CAAP1: variants seen among roughly 807,000 people sequenced by gnomAD.
CAAP1 encodes the protein conserved anti-apoptotic protein.
CAAP1 carries 20 observed loss-of-function variants against 34.0 expected under a neutral mutation model. The ratio of observed to expected loss-of-function variants is 0.59; its 90% CI spans 0.41 to 0.86. CAAP1 has a LOEUF of 0.86. Among genes scored for constraint, CAAP1 ranks in the 40% least tolerant of loss-of-function variants. CAAP1 has a pLI of 0.00. For synonymous variants in CAAP1, 213 were observed against 166.7 expected, an observed-to-expected ratio of 1.28 and a Z score of -2.14; for missense variants, 538 against 450.5, an observed-to-expected ratio of 1.19 and a Z score of -1.76.
chr9:26,851,783 G>A (rs1324256547), intron 5 of CAAP1, among the ~76,000 whole-genome samples: 1 of 152,178 alleles, frequency 6.6e-6, no homozygotes, highest in East Asian at 1.9e-4. Flanking sequence ...AAGCATCGGA[G>A]TTTGGAAGCA....
At chr9:26,875,092 T>G (rs561914329) in intron 4 of CAAP1, among the ~76,000 whole-genome samples, 2 of 152,300 alleles carry the variant, frequency 1.3e-5, no homozygotes, top group South Asian at 4.1e-4. Flanking sequence ...CTTAGACAAT[T>G]TTACTGATGT....
In CAAP1 at chr9:26,842,568, T is replaced by C; in HGVS notation, c.819A>G (p.Glu273=). The C allele has an allele frequency of 6.2e-7, 1 of 1,614,216 alleles. No individual in the cohort carries two copies. Residue 273 remains glutamate (E), a synonymous_variant, in exon 6 of 6, where the codon GAA becomes GAG. Transcript: ENST00000333916. ...DSDIEGPCNE[E]AAAPEAPENT... is the part of the protein sequence containing the mutation. Reference sequence around the variant, plus strand: ...TTTCTGGTGCCTCGGGAGCAGCTGCTTCTTCGTTGCATGGGCCTTCTATGT... The same window carrying C: ...TTTCTGGTGCCTCGGGAGCAGCTGCCTCTTCGTTGCATGGGCCTTCTATGT...
At chr9:26,858,483 T>C (rs750809943) in intron 5 of CAAP1, among the ~76,000 whole-genome samples, 1 of 152,192 alleles carries the variant, frequency 6.6e-6, no homozygotes, top group Non-Finnish European at 1.5e-5. Flanking sequence ...TTTAATCATT[T>C]AGTAGATATT....
intron 2 of CAAP1, among the ~76,000 whole-genome samples, chr9:26,887,012 G>A (rs1382029894): frequency 6.6e-6 from 1 of 152,066 alleles, no homozygotes; most frequent in East Asian, 1.9e-4. Flanking sequence ...TCAGGAGTTC[G>A]AGACCAGCCT....
intron 5 of CAAP1, among the ~76,000 whole-genome samples, chr9:26,850,465 A>C (rs1822720769): frequency 6.6e-6 from 1 of 152,222 alleles, no homozygotes. Flanking sequence ...TGATAGGGAA[A>C]ACCCCATAAT....
intron 4 of CAAP1, among the ~76,000 whole-genome samples, chr9:26,870,129 C>T (rs1217164461): frequency 6.6e-6 from 1 of 150,810 alleles, no homozygotes; most frequent in Non-Finnish European, 1.5e-5. Flanking sequence ...ACAGGGAAAC[C>T]GTTGCCAAGC....
At chr9:26,856,458 T>G (rs1351101860) in intron 5 of CAAP1, among the ~76,000 whole-genome samples, 1 of 152,214 alleles carries the variant, frequency 6.6e-6, no homozygotes, top group African/African-American at 2.4e-5. Flanking sequence ...TTAAACAATT[T>G]AGGAAAACAG....
intron 5 of CAAP1, among the ~76,000 whole-genome samples, chr9:26,860,752 C>T (rs1372405834): frequency 6.6e-6 from 1 of 152,108 alleles, no homozygotes; most frequent in African/African-American, 2.4e-5. Context: ...GATCGCGCCA[C>T]TGCACTCCAG....
At chr9:26,868,926 G>A (rs557731388) in intron 4 of CAAP1, among the ~76,000 whole-genome samples, 24 of 152,240 alleles carry the variant, frequency 1.6e-4, no homozygotes, top group African/African-American at 3.6e-4. Flanking sequence ...CGGAACATCC[G>A]GGAAAATCTG....
chr9:26,886,338 G>C, intron 2 of CAAP1, 150 bp from the exon 3 acceptor site: 3 of 403,860 alleles, frequency 7.4e-6, no homozygotes, highest in Non-Finnish European at 4.5e-6. Flanking sequence ...CTTTTCCTGG[G>C]ATGAAATCTG....
chr9:26,848,613 C>G (rs1029103076), intron 5 of CAAP1, among the ~76,000 whole-genome samples: 1 of 152,172 alleles, frequency 6.6e-6, no homozygotes, highest in East Asian at 1.9e-4. Context: ...CAAGTGTTTA[C>G]TTTTATCTAA....
At chr9:26,850,439 G>A (rs1372059411) in intron 5 of CAAP1, among the ~76,000 whole-genome samples, 1 of 152,180 alleles carries the variant, frequency 6.6e-6, no homozygotes, top group African/African-American at 2.4e-5. Flanking sequence ...TACCTCTTCT[G>A]TTTGAGGATC....
chr9:26,884,965 C>A (rs1340177188), intron 3 of CAAP1, 80 bp from the exon 4 acceptor site: 15 of 1,050,712 alleles, frequency 1.4e-5, no homozygotes, highest in South Asian at 8.3e-5. Flanking sequence ...AAAGTATAAT[C>A]TTTAAAAGTG....
At chr9:26,865,232 A>T (rs1164876079) in intron 4 of CAAP1, among the ~76,000 whole-genome samples, 2 of 152,232 alleles carry the variant, frequency 1.3e-5, no homozygotes, top group East Asian at 3.8e-4. Context: ...ATTAAAAATC[A>T]CAAGAAATTT....
At position 26,884,866 on chromosome 9, in the gene CAAP1, A is replaced by T; in HGVS notation, c.609T>A (p.Ser203=). 6.2e-7 allele frequency: 1 copy of T among 1,608,604 alleles called. No individual in the cohort carries two copies. The highest frequency in any genetic ancestry group is 1.3e-5 in the African/African-American group (1 of 74,988). Residue 203 remains serine (S), a synonymous_variant, in exon 4 of 6, where the codon TCT becomes TCA. Coordinates refer to ENST00000333916, the MANE Select transcript of CAAP1 (RefSeq NM_024828.4). ...CATCATCTGCTTCCTCTTCCATATC[A>T]GAGTCCATTCCATTGTCACCTTATA... is the stretch of plus-strand genomic sequence containing the variant. ...KILEGDNGMD[S]DMEEEADDGS...
rs547506337 is a variant in CAAP1, at chr9:26,844,420, C to T, written c.740-1773G>A. On this transcript the variant is annotated intron_variant, in intron 5 of 5. Transcript: ENST00000333916. ...CTCAAAAAATTAACTTTAGTGTCTC[C>T]GAGGCTTTACCTAAAATTTAAAGTG... 3.9e-5 allele frequency among the ~76,000 whole-genome samples: 6 copies of T among 152,202 alleles called. No homozygotes were observed. In the South Asian group the frequency reaches 8.3e-4, roughly 21 times the overall value.
chr9:26,845,567 G>A (rs1161870006), intron 5 of CAAP1, among the ~76,000 whole-genome samples: 1 of 152,070 alleles, frequency 6.6e-6, no homozygotes, highest in East Asian at 1.9e-4. Flanking sequence ...ATGGAGACGG[G>A]GTTTCACCAT....
rs572022219 is a variant in CAAP1 at position 26,848,170 on chromosome 9, TA to T, written c.740-5524del. 5.4e-3 allele frequency among the ~76,000 whole-genome samples: 819 copies of T among 152,362 alleles called. 7 individuals are homozygous for T. The highest frequency in any genetic ancestry group is 0.01 in the Middle Eastern group (3 of 294). On this transcript the variant is annotated intron_variant, in intron 5 of 5. Coordinates refer to ENST00000333916, the MANE Select transcript of CAAP1 (RefSeq NM_024828.4). ...AAGGTTTAAATACTTTAGCATAACT[TA>T]AAAGTTCCTTTTATTTTTATAACTC...
At chr9:26,887,071 G>T (rs1379951837) in intron 2 of CAAP1, among the ~76,000 whole-genome samples, 3 of 152,072 alleles carry the variant, frequency 2.0e-5, no homozygotes, top group African/African-American at 7.2e-5. Context: ...AATTAGCCGG[G>T]CATGGTGGTT....
Sources: allele counts gnomAD v4.1 joint callset (sites outside exome capture counted in the v4.1 genomes callset), GRCh38; gene constraint gnomAD v4.1.1; transcripts MANE v1.5; gene names NCBI Gene and HGNC (gene_info 2026-07-23, HGNC 2026-07-21).